The following PSG3 variants were observed in gnomAD, a reference collection of about 807,000 sequenced individuals.
PSG3 encodes pregnancy specific beta-1-glycoprotein 3, also known as pregnancy-specific beta-1-glycoprotein 3.
Under a neutral mutation model 47.5 loss-of-function variants are expected in PSG3, and 61 were observed. The observed-to-expected ratio is 1.28, with a 90% CI of 1.05 to 1.59. The LOEUF is 1.59. Ranked by LOEUF, PSG3 falls within the 40% of genes most tolerant of loss-of-function variation. The pLI, the probability that PSG3 is intolerant of heterozygous loss-of-function variation, is 0.00. For missense variants in PSG3, 756 were observed against 524.0 expected (o/e 1.44, Z -4.32); for synonymous variants, 263 against 198.4 (o/e 1.33, Z -2.74).
intron 5 of PSG3, among the ~76,000 whole-genome samples, chr19:42,726,913 G>C (rs1390978905): frequency 1.3e-5 from 2 of 152,202 alleles, no homozygotes; most frequent in Non-Finnish European, 2.9e-5. Context: ...TCAATACACT[G>C]TGGTACTGGC....
At chr19:42,733,904 C>T (rs1962009485) in intron 2 of PSG3, 1 of 152,142 alleles carries the variant, frequency 6.6e-6, no homozygotes, top group Non-Finnish European at 1.5e-5. Flanking sequence ...AAAGGGCGAA[C>T]ATGAACAGAT....
In PSG3 at chr19:42,738,897, C is replaced by G. The variant is rs998696166; in HGVS notation, c.257G>C (p.Gly86Ala). ...TGCAGGCCCATATATAATTATTTGA[C>G]CATCTACTACGTATGATGTAATGTA... is the stretch of plus-strand genomic sequence containing the variant. ...YHYITSYVVD[G>A]QIIIYGPAYS... Residue 86 changes from glycine (G) to alanine (A), a missense_variant, in exon 2 of 7, where the codon GGT becomes GCT. Coordinates refer to ENST00000327495, the MANE Select transcript of PSG3 (RefSeq NM_021016.4). 1.5e-5 allele frequency: 25 copies of G among 1,613,904 alleles called. No homozygotes were observed. Among genetic ancestry groups the G allele is most frequent in the Non-Finnish European group, 2.0e-5 (24 of 1,180,000 alleles).
chr19:42,728,567 C>T (rs1047348361), intron 5 of PSG3, among the ~76,000 whole-genome samples: 1 of 152,186 alleles, frequency 6.6e-6, no homozygotes, highest in African/African-American at 2.4e-5. Flanking sequence ...GACAGGCCAC[C>T]AGGGCTCTTT....
intron 5 of PSG3, among the ~76,000 whole-genome samples, chr19:42,724,419 A>G (rs1221451284): frequency 2.6e-5 from 4 of 152,170 alleles, no homozygotes; most frequent in African/African-American, 7.2e-5. Flanking sequence ...GACTTGATTG[A>G]CAGAAGGCCC....
At chr19:42,729,628 G>T (rs552972649) in intron 4 of PSG3, 150 bp downstream of exon 4, 2 of 1,515,374 alleles carry the variant, frequency 1.3e-6, no homozygotes, top group South Asian at 1.3e-5. Context: ...TGCCTACCCA[G>T]ATCTTCCCAG....
In PSG3 at chr19:42,740,461, T is replaced by A. The variant is rs182951700; in HGVS notation, c.-77A>T. The A allele has an allele frequency of 8.3e-5, 134 of 1,612,242 alleles. No individual in the cohort carries two copies. The African/African-American group carries it at 1.5e-3, about 18-fold the overall frequency. On this transcript the variant is annotated 5_prime_UTR_variant, in exon 1 of 7. Coordinates refer to ENST00000327495, the MANE Select transcript of PSG3 (RefSeq NM_021016.4). ...AAACTTCCTGAGCATGGCTCTCAGC[T>A]GTGCTGTCCTTCCTCCTTCTGCGCT...
chr19:42,735,239 C>T (rs1329507521), intron 2 of PSG3, among the ~76,000 whole-genome samples: 1 of 152,070 alleles, frequency 6.6e-6, no homozygotes, highest in African/African-American at 2.4e-5. Flanking sequence ...ACTTTTTTTC[C>T]CCACTCTTGT....
At position 42,732,595 on chromosome 19, in the gene PSG3, C is replaced by T. The variant is rs1969490273; in HGVS notation, c.709+189G>A. On this transcript the variant is annotated intron_variant, in intron 3 of 6. Transcript: ENST00000327495. ...CTGAGTCTCCCATGACAGGAGCAGC[C>T]TCTTTTCTCCTATTGTTGATCAAGC... 7 of 1,360,528 alleles carry T rather than the reference C, an allele frequency of 5.1e-6. 1 individual carries two copies. The highest frequency in any genetic ancestry group is 4.1e-5 in the South Asian group (3 of 72,514). The allele number at this position is 1,360,528 out of a possible 1,614,324, so 84.3% of individuals were successfully genotyped here.
intron 2 of PSG3, among the ~76,000 whole-genome samples, chr19:42,738,333 T>A (rs111995350): frequency 0.016 from 2,468 of 152,288 alleles, 33 homozygotes; most frequent in African/African-American, 0.028. Flanking sequence ...GGGACATGGT[T>A]CTGGGGGTGA....
At chr19:42,731,226 A>C (rs547675992) in intron 3 of PSG3, among the ~76,000 whole-genome samples, 1 of 152,234 alleles carries the variant, frequency 6.6e-6, no homozygotes, top group Non-Finnish European at 1.5e-5. Context: ...TTTCTTATGC[A>C]TAAGACTTAG....
At chr19:42,738,187 G>T (rs1215012306) in intron 2 of PSG3, among the ~76,000 whole-genome samples, 2 of 152,226 alleles carry the variant, frequency 1.3e-5, no homozygotes, top group African/African-American at 4.8e-5. Context: ...TGAGGGCTGA[G>T]CCCTGGCTGG....
intron 4 of PSG3, 96 bp downstream of exon 4, chr19:42,729,682 T>A: frequency 6.4e-7 from 1 of 1,571,264 alleles, no homozygotes; most frequent in South Asian, 1.2e-5. Flanking sequence ...AGTAATGGTA[T>A]CTATACTTGG....
Position 42,729,289 on chromosome 19 carries a change from G to C in PSG3, c.1077C>G (p.Asn359Lys). ...TTGTCCAAGAATATTCTGCTGGTGG[G>C]TTAGAGTCCGCGAAGCAGGACAAGT... ...NLYLSCFADSNPPAEYSWTIN... is the reference protein window; with the variant it reads ...NLYLSCFADSKPPAEYSWTIN... Residue 359 changes from asparagine to lysine, a missense_variant, in exon 5 of 7, where the codon AAC becomes AAG. Physicochemically the swap from Asn to Lys is moderately conservative, Grantham distance 94. Transcript: ENST00000327495. The C allele has an allele frequency of 6.2e-7, 1 of 1,614,132 alleles. No individual in the cohort carries two copies. Among genetic ancestry groups the C allele is most frequent in the Non-Finnish European group, 8.5e-7 (1 of 1,179,972 alleles).
intron 2 of PSG3, among the ~76,000 whole-genome samples, chr19:42,737,872 T>C (rs1298305106): frequency 6.6e-6 from 1 of 152,238 alleles, no homozygotes; most frequent in African/African-American, 2.4e-5. Context: ...ATGCTATCTG[T>C]GAATAAATGT....
In PSG3 at chr19:42,738,921, T is replaced by TAATG; in HGVS notation, c.229_232dup (p.Tyr78SerfsTer53). 1 of 1,614,054 alleles carries TAATG rather than the reference T, an allele frequency of 6.2e-7. No homozygotes were observed. Among genetic ancestry groups the TAATG allele is most frequent in the Non-Finnish European group, 8.5e-7 (1 of 1,179,984 alleles). On this transcript the variant is annotated frameshift_variant, in exon 2 of 7. Coordinates refer to ENST00000327495, the MANE Select transcript of PSG3 (RefSeq NM_021016.4). LOFTEE classifies it high-confidence loss of function. ...ACCATCTACTACGTATGATGTAATGTAATGGTAGAGGTCCTTCATTTGCCC... is the reference window on the plus strand; with the variant it reads ...ACCATCTACTACGTATGATGTAATGTAATGAATGGTAGAGGTCCTTCATTTGCCC...
At chr19:42,731,405 T>C (rs1267268306) in intron 3 of PSG3, among the ~76,000 whole-genome samples, 1 of 152,224 alleles carries the variant, frequency 6.6e-6, no homozygotes, top group East Asian at 1.9e-4. Flanking sequence ...AAGCCAAAGA[T>C]ATTCTTGCCC....
At chr19:42,723,732 G>T (rs1969331520) in intron 6 of PSG3, among the ~76,000 whole-genome samples, 1 of 152,202 alleles carries the variant, frequency 6.6e-6, no homozygotes, top group South Asian at 2.1e-4. Context: ...CAGAGAGAGA[G>T]GCTGGAGATA....
At chr19:42,728,375 A>G (rs1046239017) in intron 5 of PSG3, among the ~76,000 whole-genome samples, 2 of 152,148 alleles carry the variant, frequency 1.3e-5, no homozygotes, top group Non-Finnish European at 2.9e-5. Flanking sequence ...CCAGCTCTGC[A>G]TCAGTCACTG....
chr19:42,725,537 A>G (rs1239718926), intron 5 of PSG3, among the ~76,000 whole-genome samples: 1 of 152,222 alleles, frequency 6.6e-6, no homozygotes, highest in Admixed American at 6.5e-5. Flanking sequence ...TAAGAAAAAA[A>G]GAGAAAAGTT....
Sources: allele counts gnomAD v4.1 joint callset (sites outside exome capture counted in the v4.1 genomes callset), GRCh38; gene constraint gnomAD v4.1.1; transcripts MANE v1.5; gene names NCBI Gene and HGNC (gene_info 2026-07-23, HGNC 2026-07-21).